Variants in BRD3 observed in about 807,000 individuals in gnomAD.
BRD3 encodes the protein bromodomain containing 3, also known as bromodomain-containing protein 3.
In BRD3, 17 loss-of-function variants were observed where a neutral mutation model predicts 66.8. The observed-to-expected ratio is 0.25, with a 90% CI of 0.17 to 0.38. The LOEUF is 0.38. Ranked by LOEUF, BRD3 falls within the 10% of genes least tolerant of loss-of-function variation. The pLI is 1.00. For missense variants in BRD3, 713 were observed against 956.1 expected (o/e 0.75, Z 3.35); for synonymous variants, 421 against 393.2 (o/e 1.07, Z -0.84).
chr9:134,033,505 A>G lies in BRD3; in HGVS notation c.*85T>C, dbSNP rs433402. On this transcript the variant is annotated 3_prime_UTR_variant, in exon 12 of 12. Transcript: ENST00000303407. The surrounding 1 kb of genome is among the most constrained non-coding windows in gnomAD (Gnocchi z 5.1). ...GAAGCAGACCTGCACACCATGGAAC[A>G]GAAGTAGTAATATGAACCACAGAGG... The G allele has an allele frequency of 0.32, 208,461 of 650,928 alleles. 37,503 individuals are homozygous for G. The highest frequency in any genetic ancestry group is 0.59 in the East Asian group (21,354 of 36,104). The allele number at this position is 650,928 out of a possible 1,614,324, so 40.3% of individuals were successfully genotyped here. A position where few individuals can be genotyped will look rare whatever the true frequency, so the allele number is the denominator to read the frequency against.
Position 134,045,429 on chromosome 9 carries a change from A to G in BRD3, c.1087-8T>C. 1 of 1,613,226 alleles carries G rather than the reference A, an allele frequency of 6.2e-7. No homozygotes were observed. Among genetic ancestry groups the G allele is most frequent in the Non-Finnish European group, 8.5e-7 (1 of 1,179,926 alleles). ...TCGGCCATCCATCTTCCTCTGCAACACACAGTGACAGGGGCCAGTGAGCGT... is the reference window on the plus strand; with the variant it reads ...TCGGCCATCCATCTTCCTCTGCAACGCACAGTGACAGGGGCCAGTGAGCGT... On this transcript the variant is annotated splice_polypyrimidine_tract_variant and splice_region_variant and intron_variant, in intron 6 of 11. Coordinates refer to ENST00000303407, the MANE Select transcript of BRD3 (RefSeq NM_007371.4). This position sits in a 1 kb window ranked among gnomAD's most constrained non-coding sequence, Gnocchi z 4.8.
chr9:134,066,925 C>T (rs1213612040), intron 1 of BRD3, among the ~76,000 whole-genome samples: 2 of 152,258 alleles, frequency 1.3e-5, no homozygotes, highest in Non-Finnish European at 2.9e-5. Context: ...CCCGGTGGGT[C>T]TCGGCGGGCC....
At position 134,052,371 on chromosome 9, in the gene BRD3, A is replaced by G. The variant is rs1564556199; in HGVS notation, c.286T>C (p.Trp96Arg). ...IKKRLENNYYWSASECMQDFN... is the reference protein window; with the variant it reads ...IKKRLENNYYRSASECMQDFN... ...TCCTGCATACATTCGCTTGCACTCC[A>G]ATAATAATTATTTTCTAGTCTCTTC... Residue 96 changes from tryptophan to arginine, a missense_variant, in exon 3 of 12, where the codon TGG (tryptophan) becomes CGG (arginine). By Grantham distance (101) the Trp-to-Arg change is moderately radical. Around this residue, in one of 5 missense-constraint regions of BRD3, gnomAD observed 85 missense variants for 152.4 expected, o/e 0.56. Transcript: ENST00000303407. 6.2e-7 allele frequency: 1 copy of G among 1,613,476 alleles called. No homozygotes were observed. The highest frequency in any genetic ancestry group is 8.5e-7 in the Non-Finnish European group (1 of 1,179,848).
chr9:134,048,458 C>T lies in BRD3; in HGVS notation c.715-4G>A, dbSNP rs1262868337. On this transcript the variant is annotated splice_region_variant and splice_polypyrimidine_tract_variant and intron_variant, in intron 5 of 11. Coordinates refer to ENST00000303407, the MANE Select transcript of BRD3 (RefSeq NM_007371.4). The stretch of plus-strand genomic sequence containing the variant: ...CTTTCCGCTTCACGCCCTTTTTCTG[C>T]GACAGTGAAATAACCAGTGAACCCC... 8.8e-6 allele frequency: 14 copies of T among 1,598,322 alleles called. No homozygotes were observed. Among genetic ancestry groups the T allele is most frequent in the Middle Eastern group, 1.7e-4 (1 of 6,056 alleles).
At chr9:134,066,138 C>G (rs944740235) in intron 1 of BRD3, among the ~76,000 whole-genome samples, 2 of 152,188 alleles carry the variant, frequency 1.3e-5, no homozygotes, top group Non-Finnish European at 2.9e-5. Flanking sequence ...CCCCGGATGT[C>G]CCAACGGCAG....
chr9:134,051,051 C>T (rs758200075), intron 4 of BRD3, among the ~76,000 whole-genome samples: 1 of 152,218 alleles, frequency 6.6e-6, no homozygotes, highest in Non-Finnish European at 1.5e-5. Context: ...ACCTGCATGC[C>T]GGGTTCCCAG....
chr9:134,043,898 T>C (rs1321525374), intron 7 of BRD3, among the ~76,000 whole-genome samples: 6 of 152,164 alleles, frequency 3.9e-5, no homozygotes, highest in Non-Finnish European at 8.8e-5. Context: ...CTCAAACTCT[T>C]GGCCTCAAGT....
At chr9:134,063,967 G>A (rs1422554048) in intron 1 of BRD3, among the ~76,000 whole-genome samples, 1 of 152,158 alleles carries the variant, frequency 6.6e-6, no homozygotes, top group Non-Finnish European at 1.5e-5. Context: ...CTGCGGCAAG[G>A]AGGGGGGCGG....
chr9:134,042,396 C>T (rs754495192), intron 7 of BRD3, among the ~76,000 whole-genome samples: 17 of 152,148 alleles, frequency 1.1e-4, no homozygotes, highest in Non-Finnish European at 2.4e-4. Context: ...CTGACTGCAG[C>T]ATCACATCTC....
At chr9:134,046,406 C>T (rs772733427) in intron 6 of BRD3, among the ~76,000 whole-genome samples, 5 of 152,300 alleles carry the variant, frequency 3.3e-5, no homozygotes, top group Middle Eastern at 3.4e-3. Flanking sequence ...CTACCCCGAC[C>T]GCTCTGTGGG....
rs534240068 is a variant in BRD3 at position 134,032,571 on chromosome 9, C to T, written c.*1019G>A. On this transcript the variant is annotated 3_prime_UTR_variant, in exon 12 of 12. Coordinates refer to ENST00000303407, the MANE Select transcript of BRD3 (RefSeq NM_007371.4). ...TTAGCACCTGGAGACGACAGGCCGC[C>T]GCCAGACAGGACCCGCGCCCGGCAC... The T allele has an allele frequency of 5.6e-4, 130 of 231,712 alleles. 1 individual carries two copies. The East Asian group carries it at 7.5e-3, about 13-fold the overall frequency. 14.4% of individuals were successfully genotyped at this position (231,712 alleles called of 1,614,324 possible).
intron 9 of BRD3, among the ~76,000 whole-genome samples, chr9:134,037,293 T>C (rs378569): frequency 0.45 from 68,200 of 152,002 alleles, 15,964 homozygotes; most frequent in East Asian, 0.63. Context: ...AACGCAGGGC[T>C]GGGCGCGGTG....
rs138493170 is a variant in BRD3 at position 134,060,470 on chromosome 9, G to C, written c.-113-6880C>G. Among the ~76,000 whole-genome samples, 528 of 152,194 alleles carry C rather than the reference G, an allele frequency of 3.5e-3. 2 individuals are homozygous for C. The highest frequency in any genetic ancestry group is 0.012 in the African/African-American group (492 of 41,528). On this transcript the variant is annotated intron_variant, in intron 1 of 11. Transcript: ENST00000303407. ...TTAGCCAGGCCTGGTGGTGCACCTA[G>C]AATCCCAGCTATTCAGGAGGCTGAG...
chr9:134,049,596 A>C (rs1324735492), intron 5 of BRD3, among the ~76,000 whole-genome samples: 1 of 152,170 alleles, frequency 6.6e-6, no homozygotes, highest in Non-Finnish European at 1.5e-5. Context: ...CCACTGGGGG[A>C]GGCGGCTTGA....
rs1000590834 is a variant in BRD3 at position 134,048,119 on chromosome 9, G to A, written c.1050C>T (p.Asp350=). The change falls in exon 6 of 12, where the codon GAC becomes GAT. Residue 350 remains aspartate, a synonymous_variant. Transcript: ENST00000303407. ...AEALELHDYH[D]IIKHPMDLST... is the part of the protein sequence containing the mutation. ...TGAGGTCCATCGGGTGCTTGATGAT[G>A]TCGTGGTAGTCGTGCAGCTCCAGGG... 6.9e-6 allele frequency: 11 copies of A among 1,597,400 alleles called. No individual in the cohort carries two copies. The highest frequency in any genetic ancestry group is 2.2e-5 in the East Asian group (1 of 44,742).
In BRD3 at chr9:134,031,411, G is replaced by A; in HGVS notation, c.*2179C>T. 1 of 208,746 alleles carries A rather than the reference G, an allele frequency of 4.8e-6. No individual in the cohort carries two copies. The highest frequency in any genetic ancestry group is 7.2e-5 in the East Asian group (1 of 13,842). 12.9% of individuals were successfully genotyped at this position (208,746 alleles called of 1,614,324 possible). The stretch of plus-strand genomic sequence containing the variant: ...CTGGCAGCACGTTACCAACCAGCCT[G>A]CGTGAAGACCTGTCAACTGTCGTGT... On this transcript the variant is annotated 3_prime_UTR_variant, in exon 12 of 12. Transcript: ENST00000303407.
chr9:134,038,473 A>G (rs188505118), intron 9 of BRD3, among the ~76,000 whole-genome samples: 109 of 152,204 alleles, frequency 7.2e-4, no homozygotes, highest in Middle Eastern at 3.4e-3. Flanking sequence ...TTTTTTGTAA[A>G]GAGATTGAGA....
chr9:134,060,129 C>G (rs1830505722), intron 1 of BRD3, among the ~76,000 whole-genome samples: 1 of 152,208 alleles, frequency 6.6e-6, no homozygotes, highest in African/African-American at 2.4e-5. Flanking sequence ...CCGGGCCCAG[C>G]AGAGACAGAG....
In BRD3 at chr9:134,032,793, G is replaced by A. The variant is rs984094158; in HGVS notation, c.*797C>T. 1 of 251,164 alleles carries A rather than the reference G, an allele frequency of 4.0e-6. No individual in the cohort carries two copies. Among genetic ancestry groups the A allele is most frequent in the Non-Finnish European group, 7.6e-6 (1 of 131,354 alleles). The allele number at this position is 251,164 out of a possible 1,614,324, so 15.6% of individuals were successfully genotyped here. On this transcript the variant is annotated 3_prime_UTR_variant, in exon 12 of 12. Transcript: ENST00000303407. ...CGCTAGCCAGGCGGGGACTCACAGC[G>A]GGCTGGACTTCCGTAGAAAATTGCC...
Sources: gnomAD v4.1 joint callset for allele counts (sites outside exome capture counted in the v4.1 genomes callset) on GRCh38, gnomAD v4.1.1 for gene constraint, gnomAD v4.1.1 regional missense constraint, Gnocchi (gnomAD v3.1) non-coding constraint, MANE v1.5 for transcripts, NCBI Gene and HGNC (gene_info 2026-07-23, HGNC 2026-07-21) for gene names.